The following SHANK2 variants were observed in gnomAD, a reference collection of about 807,000 sequenced individuals.
SHANK2 encodes the protein SH3 and multiple ankyrin repeat domains protein 2.
In SHANK2, 43 loss-of-function variants were observed where a neutral mutation model predicts 133.7. That is an observed-to-expected ratio of 0.32 (90% CI 0.25 to 0.41). The LOEUF (loss-of-function observed/expected upper bound fraction) is 0.41. Among genes scored for constraint, SHANK2 ranks in the 10% least tolerant of loss-of-function variants. SHANK2 has a pLI of 1.00. For synonymous variants in SHANK2, 1,017 were observed against 952.8 expected (o/e 1.07, Z -1.24); for missense variants, 1,994 against 2,235.8 (o/e 0.89, Z 2.18).
At chr11:70,728,845 G>A (rs1232756459) in intron 14 of SHANK2, among the ~76,000 whole-genome samples, 1 of 152,174 alleles carries the variant, frequency 6.6e-6, no homozygotes, top group African/African-American at 2.4e-5. Flanking sequence ...ACCCATAAGG[G>A]GTTCAAGAAA....
At chr11:71,094,872 G>A (rs1458930094) in intron 6 of SHANK2, among the ~76,000 whole-genome samples, 184 bp from the exon 7 acceptor site, 8 of 152,350 alleles carry the variant, frequency 5.3e-5, no homozygotes, top group Non-Finnish European at 7.3e-5. Flanking sequence ...AGGCACCCCC[G>A]TGCGATGCAG....
chr11:70,874,942 A>G (rs1555070905), intron 11 of SHANK2, among the ~76,000 whole-genome samples: 1 of 152,198 alleles, frequency 6.6e-6, no homozygotes, highest in East Asian at 1.9e-4. Flanking sequence ...AGCTAAGCCC[A>G]CTCATGCCTG....
chr11:70,511,129 G>C (rs983545474), intron 17 of SHANK2, among the ~76,000 whole-genome samples: 19 of 152,222 alleles, frequency 1.2e-4, no homozygotes, highest in African/African-American at 4.6e-4. Context: ...GATGCCAACG[G>C]AGTGTGCCCC....
intron 16 of SHANK2, 102 bp from the exon 17 acceptor site, chr11:70,660,054 A>G (rs1178170606): frequency 1.4e-5 from 20 of 1,474,366 alleles, no homozygotes; most frequent in Non-Finnish European, 1.8e-5. Flanking sequence ...GGGCCCACTC[A>G]TCTCCCATTG....
At chr11:71,173,748 G>A (rs952406326) in intron 2 of SHANK2, among the ~76,000 whole-genome samples, 25 of 152,246 alleles carry the variant, frequency 1.6e-4, no homozygotes, top group African/African-American at 5.8e-4. Context: ...CATATAAGGA[G>A]TGTGGGCCCT....
intron 10 of SHANK2, among the ~76,000 whole-genome samples, chr11:70,902,829 G>A (rs782483947): frequency 3.3e-5 from 5 of 152,270 alleles, no homozygotes; most frequent in Admixed American, 1.3e-4. Context: ...TGGACACCCC[G>A]CCAGGGGCCC....
At chr11:70,791,848 T>C (rs1456084393) in intron 14 of SHANK2, among the ~76,000 whole-genome samples, 2 of 152,322 alleles carry the variant, frequency 1.3e-5, no homozygotes, top group Admixed American at 1.3e-4. Context: ...GAGATGGGGA[T>C]GCTCATGTGT....
At chr11:71,114,198 A>T (rs1951938105) in intron 4 of SHANK2, among the ~76,000 whole-genome samples, 2 of 152,094 alleles carry the variant, frequency 1.3e-5, no homozygotes. Flanking sequence ...TGGGGATAAT[A>T]GCACCCACCT....
chr11:70,573,370 A>C (rs965293613), intron 17 of SHANK2, among the ~76,000 whole-genome samples: 9 of 148,080 alleles, frequency 6.1e-5, no homozygotes, highest in Non-Finnish European at 1.2e-4. Flanking sequence ...TGGACTTGTC[A>C]CCTTGACCTT....
Position 70,500,431 on chromosome 11 carries a change from G to A in SHANK2, c.2308+139C>T, listed in dbSNP as rs1194539791. On this transcript the variant is annotated intron_variant, in intron 21 of 25. Transcript: ENST00000601538. The surrounding 1 kb of genome is among the most constrained non-coding windows in gnomAD (Gnocchi z 4.5). The stretch of plus-strand genomic sequence containing the variant: ...GATGAATGTGCTCCAGGGCGGCAGG[G>A]CTCCTCGGGCAGGACCCAGCAGGAG... 42 of 1,146,178 alleles carry A rather than the reference G, an allele frequency of 3.7e-5. No individual in the cohort carries two copies. Among genetic ancestry groups the A allele is most frequent in the Non-Finnish European group, 3.4e-5 (27 of 785,352 alleles). 71.0% of individuals were successfully genotyped at this position (1,146,178 alleles called of 1,614,324 possible). A position where few individuals can be genotyped will look rare whatever the true frequency, so the allele number is the denominator to read the frequency against.
chr11:70,487,767 G>C lies in SHANK2; in HGVS notation c.2573-47C>G. 6.5e-7 allele frequency: 1 copy of C among 1,550,284 alleles called. No homozygotes were observed. Among genetic ancestry groups the C allele is most frequent in the East Asian group, 2.4e-5 (1 of 40,904 alleles). ...AGCTTTAAGTCACAATAGCAACAAA[G>C]CCTAAGTTCCTAGGAACGTGCGATA... On this transcript the variant is annotated intron_variant, in intron 24 of 25. Coordinates refer to ENST00000601538, the MANE Select transcript of SHANK2 (RefSeq NM_012309.5). This position sits in a 1 kb window ranked among gnomAD's most constrained non-coding sequence, Gnocchi z 5.8.
intron 2 of SHANK2, 105 bp from the exon 3 acceptor site, chr11:71,147,443 C>T (rs1309667350): frequency 1.5e-5 from 13 of 870,284 alleles, no homozygotes; most frequent in Non-Finnish European, 1.9e-5. Context: ...GGCTCGGTTT[C>T]ACAGTCTGTG....
intron 15 of SHANK2, among the ~76,000 whole-genome samples, chr11:70,691,083 A>G (rs1555020913): frequency 6.6e-6 from 1 of 152,132 alleles, no homozygotes; most frequent in Non-Finnish European, 1.5e-5. Flanking sequence ...AATTACTTTC[A>G]TTACATGCAT....
At chr11:70,512,683 A>C (rs1259906027) in intron 17 of SHANK2, among the ~76,000 whole-genome samples, 9 of 152,218 alleles carry the variant, frequency 5.9e-5, no homozygotes, top group Non-Finnish European at 1.2e-4. Flanking sequence ...TGCACTGAAC[A>C]ACCAGGATTA....
At chr11:70,635,695 T>C (rs555212452) in intron 17 of SHANK2, among the ~76,000 whole-genome samples, 2 of 152,002 alleles carry the variant, frequency 1.3e-5, no homozygotes, top group Admixed American at 1.3e-4. Flanking sequence ...ATGGTTAAGA[T>C]GGTAAATTTT....
chr11:71,162,574 G>A (rs545457231), intron 2 of SHANK2, among the ~76,000 whole-genome samples: 70 of 152,190 alleles, frequency 4.6e-4, no homozygotes, highest in Non-Finnish European at 9.6e-4. Flanking sequence ...GACAAATCAA[G>A]TAACATACGT....
At chr11:70,589,548 C>T (rs1177172036) in intron 17 of SHANK2, among the ~76,000 whole-genome samples, 1 of 151,416 alleles carries the variant, frequency 6.6e-6, no homozygotes, top group African/African-American at 2.4e-5. Flanking sequence ...CCAACAGTCA[C>T]TTACAGTCTA....
At chr11:70,881,975 G>A (rs1235962373) in intron 11 of SHANK2, among the ~76,000 whole-genome samples, 2 of 152,106 alleles carry the variant, frequency 1.3e-5, no homozygotes, top group African/African-American at 2.4e-5. Context: ...GCCTCCCAAA[G>A]TCTTGGGATT....
chr11:70,794,072 G>A (rs1947854964), intron 14 of SHANK2, among the ~76,000 whole-genome samples: 1 of 152,134 alleles, frequency 6.6e-6, no homozygotes, highest in Non-Finnish European at 1.5e-5. Flanking sequence ...CTTGAGGTCA[G>A]GAGTTCAAAA....
Sources: allele counts gnomAD v4.1 joint callset (sites outside exome capture counted in the v4.1 genomes callset), GRCh38; gene constraint gnomAD v4.1.1; non-coding constraint Gnocchi (gnomAD v3.1); transcripts MANE v1.5; gene names NCBI Gene and HGNC (gene_info 2026-07-23, HGNC 2026-07-21).